The following RERG variants were observed in gnomAD, a reference collection of about 807,000 sequenced individuals.
RERG encodes ras-related and estrogen-regulated growth inhibitor.
RERG carries 25 observed loss-of-function variants against 23.2 expected under a neutral mutation model. The observed-to-expected ratio is 1.08, with a 90% CI of 0.79 to 1.50. RERG has a LOEUF of 1.50. RERG is among the 40% of genes most tolerant of loss of function. The probability of loss-of-function intolerance (pLI) is 0.00; values close to 1 mark genes in which losing one functional copy is unlikely to be tolerated. For missense variants in RERG, 253 were observed against 250.1 expected, an observed-to-expected ratio of 1.01 and a Z score of -0.08; for synonymous variants, 81 against 89.1, an observed-to-expected ratio of 0.91 and a Z score of 0.51.
intron 2 of RERG, among the ~76,000 whole-genome samples, chr12:15,207,967 A>G (rs933841032): frequency 6.6e-6 from 1 of 152,164 alleles, no homozygotes; most frequent in African/African-American, 2.4e-5. Context: ...GGGCTATAGT[A>G]TCCATTGATT....
At chr12:15,112,700 C>T (rs1336816864) in intron 3 of RERG, among the ~76,000 whole-genome samples, 3 of 151,966 alleles carry the variant, frequency 2.0e-5, no homozygotes, top group Admixed American at 6.6e-5. Context: ...GTAAGTAAAA[C>T]AAAGGAACAT....
chr12:15,137,325 T>A (rs1030539524), intron 2 of RERG, among the ~76,000 whole-genome samples: 1 of 151,762 alleles, frequency 6.6e-6, no homozygotes, highest in African/African-American at 2.4e-5. Context: ...ATTGGATGCA[T>A]CTGACAGTCT....
chr12:15,145,557 G>C (rs1864318190), intron 2 of RERG, among the ~76,000 whole-genome samples: 1 of 152,202 alleles, frequency 6.6e-6, no homozygotes, highest in Non-Finnish European at 1.5e-5. Context: ...AGTGTCGCAG[G>C]TGTGCCATCA....
At chr12:15,215,706 G>A (rs1207356306) in intron 2 of RERG, among the ~76,000 whole-genome samples, 1 of 152,004 alleles carries the variant, frequency 6.6e-6, no homozygotes, top group Non-Finnish European at 1.5e-5. Flanking sequence ...ATGAAGCAGT[G>A]GACGAAGACA....
rs1285015501 is a variant in RERG, at chr12:15,195,522, C to T, written c.61+21907G>A. Among the ~76,000 whole-genome samples the T allele has an allele frequency of 2.7e-5, 4 of 150,290 alleles. No individual in the cohort carries two copies. In the East Asian group the frequency reaches 5.8e-4, roughly 22 times the overall value. On this transcript the variant is annotated intron_variant, in intron 2 of 4. Coordinates refer to ENST00000256953, the MANE Select transcript of RERG (RefSeq NM_032918.3). ...CATAACTTCCCATGGAAAATTTCCACTTAACTTCTTAAGGCACAGCAAGCT... is the reference window on the plus strand; with the variant it reads ...CATAACTTCCCATGGAAAATTTCCATTTAACTTCTTAAGGCACAGCAAGCT...
chr12:15,213,167 C>T (rs1418554664), intron 2 of RERG, among the ~76,000 whole-genome samples: 1 of 152,190 alleles, frequency 6.6e-6, no homozygotes, highest in African/African-American at 2.4e-5. Context: ...TATTTCAGTT[C>T]TAAAATGAGA....
intron 2 of RERG, among the ~76,000 whole-genome samples, chr12:15,122,788 G>GTT (rs894900450): frequency 7.1e-6 from 1 of 140,800 alleles, no homozygotes; most frequent in Non-Finnish European, 1.6e-5. Context: ...CTACGTAGTT[G>GTT]TTTTTTTTTT....
chr12:15,177,842 T>G (rs867368668), intron 2 of RERG, among the ~76,000 whole-genome samples: 4 of 148,010 alleles, frequency 2.7e-5, no homozygotes, highest in South Asian at 2.1e-4. Flanking sequence ...TCTGTTTGTT[T>G]TTTTTTTTTT....
intron 2 of RERG, among the ~76,000 whole-genome samples, chr12:15,193,510 T>C (rs541770572): frequency 7.6e-4 from 115 of 152,238 alleles, no homozygotes; most frequent in African/African-American, 2.6e-3. Context: ...CTGCCTTCTA[T>C]TGGAGAATTT....
chr12:15,182,981 A>T (rs1425048295), intron 2 of RERG, among the ~76,000 whole-genome samples: 1 of 148,940 alleles, frequency 6.7e-6, no homozygotes, highest in Non-Finnish European at 1.5e-5. Flanking sequence ...CTGAAAGGCT[A>T]AAAGTGAGAG....
intron 2 of RERG, chr12:15,155,058 C>T (rs1864502164): frequency 6.6e-6 from 1 of 152,004 alleles, no homozygotes; most frequent in South Asian, 2.1e-4. Context: ...ATAAGAAACT[C>T]AGCTAAGAGA....
chr12:15,111,089 G>A (rs1237789425), intron 4 of RERG: 3 of 304,842 alleles, frequency 9.8e-6, no homozygotes, highest in South Asian at 1.2e-4. Context: ...AAATATAGGT[G>A]AGAGAGTCTA....
intron 1 of RERG, 188 bp from the exon 2 acceptor site, chr12:15,217,791 C>G (rs1865462967): frequency 3.6e-6 from 1 of 275,788 alleles, no homozygotes; most frequent in South Asian, 5.5e-5. Flanking sequence ...AGATTCAGGA[C>G]TTGGATTTGG....
At chr12:15,199,041 T>A (rs1865182650) in intron 2 of RERG, among the ~76,000 whole-genome samples, 2 of 152,178 alleles carry the variant, frequency 1.3e-5, no homozygotes, top group African/African-American at 4.8e-5. Flanking sequence ...TTATTCTGCC[T>A]ATCACAGTCT....
At chr12:15,146,123 A>G (rs796149721) in intron 2 of RERG, among the ~76,000 whole-genome samples, 11 of 152,314 alleles carry the variant, frequency 7.2e-5, no homozygotes, top group African/African-American at 2.6e-4. Flanking sequence ...TTGAGTCTTA[A>G]CACTTGATAA....
intron 2 of RERG, among the ~76,000 whole-genome samples, chr12:15,154,938 T>C (rs953061183): frequency 1.8e-4 from 28 of 152,236 alleles, no homozygotes; most frequent in Admixed American, 5.2e-4. Flanking sequence ...TTTTTTAAAA[T>C]GTTAAGTTGC....
chr12:15,174,528 A>T (rs927700870), intron 2 of RERG, among the ~76,000 whole-genome samples: 13 of 151,252 alleles, frequency 8.6e-5, no homozygotes, highest in African/African-American at 2.9e-4. Context: ...AAACTTAGGC[A>T]GTTTTGGGCC....
intron 2 of RERG, among the ~76,000 whole-genome samples, chr12:15,213,835 T>G (rs966865378): frequency 6.6e-6 from 1 of 152,240 alleles, no homozygotes; most frequent in Non-Finnish European, 1.5e-5. Context: ...AGAAGCACTT[T>G]CAAATTTAAA....
At chr12:15,203,295 T>G (rs2136142548) in intron 2 of RERG, among the ~76,000 whole-genome samples, 1 of 151,830 alleles carries the variant, frequency 6.6e-6, no homozygotes, top group South Asian at 2.1e-4. Flanking sequence ...TTGTTTGTTT[T>G]CTTTGCTGAA....
Sources: gnomAD v4.1 joint callset for allele counts (sites outside exome capture counted in the v4.1 genomes callset) on GRCh38, gnomAD v4.1.1 for gene constraint, MANE v1.5 for transcripts, NCBI Gene and HGNC (gene_info 2026-07-23, HGNC 2026-07-21) for gene names.